The following LRRC51 variants were observed in gnomAD, a reference collection of about 807,000 sequenced individuals.
The protein encoded by LRRC51 is leucine rich repeat containing 51.
Under a neutral mutation model 17.8 loss-of-function variants are expected in LRRC51, and 8 were observed. The observed-to-expected ratio is 0.45, with a 90% confidence interval of 0.26 to 0.81. The LOEUF (loss-of-function observed/expected upper bound fraction) is 0.81. LRRC51 is among the 30% of genes least tolerant of loss of function. The pLI, the probability that LRRC51 is intolerant of heterozygous loss-of-function variation, is 0.17. For synonymous variants in LRRC51, 92 were observed against 96.0 expected, an observed-to-expected ratio of 0.96 and a Z score of 0.24; for missense variants, 233 against 239.3, an observed-to-expected ratio of 0.97 and a Z score of 0.17.
At position 72,084,824 on chromosome 11, in the gene LRRC51, G is replaced by A. The variant is rs1311479505; in HGVS notation, c.-139-3473G>A. Among the ~76,000 whole-genome samples the A allele has an allele frequency of 1.1e-4, 13 of 121,870 alleles. No individual in the cohort carries two copies. The East Asian group carries it at 1.6e-3, about 15-fold the overall frequency. The allele number at this position is 121,870 out of a possible 152,430, so 80.0% of individuals were successfully genotyped here. On this transcript the variant is annotated intron_variant, in intron 1 of 5. Transcript: ENST00000289488. ...TGCACTCCAGCCTGCACAACAGAGC[G>A]AGACCTTGTCTCAAAAAAAAAAAAA...
chr11:72,094,938 TC>T lies in LRRC51; in HGVS notation c.289-6del. 1.2e-6 allele frequency: 2 copies of T among 1,614,090 alleles called. No individual in the cohort carries two copies. The highest frequency in any genetic ancestry group is 1.7e-5 in the Admixed American group (1 of 60,018). Reference sequence around the variant, plus strand: ...TGTCTAGCCTGGCTTTTGGTTTCCCTCCCCAACAGGTCCTAACAACTTTCTT... The same window carrying T: ...TGTCTAGCCTGGCTTTTGGTTTCCCTCCCAACAGGTCCTAACAACTTTCTT... On this transcript the variant is annotated splice_polypyrimidine_tract_variant and intron_variant, in intron 4 of 5. Transcript: ENST00000289488.
chr11:72,085,503 T>C (rs1391467138), intron 1 of LRRC51: 1 of 151,982 alleles, frequency 6.6e-6, no homozygotes, highest in Non-Finnish European at 1.5e-5. Flanking sequence ...TTGGTTATAA[T>C]GAAATTAACA....
rs1944657486 is a variant in LRRC51, at chr11:72,088,277, A to G, written c.-139-20A>G. ...CACATTGCAAGTGACTGATAACAAC[A>G]TTGTGTTCATCCCTGTCAGGGAGTA... On this transcript the variant is annotated intron_variant, in intron 1 of 5. Coordinates refer to ENST00000289488, the MANE Select transcript of LRRC51 (RefSeq NM_145309.6). 1.5e-6 allele frequency: 1 copy of G among 684,078 alleles called. No individual in the cohort carries two copies. 42.4% of individuals were successfully genotyped at this position (684,078 alleles called of 1,614,324 possible).
At chr11:72,091,606 G>A (rs768130900) in intron 3 of LRRC51, among the ~76,000 whole-genome samples, 1 of 152,192 alleles carries the variant, frequency 6.6e-6, no homozygotes, top group Admixed American at 6.5e-5. Flanking sequence ...TAGCAGCAAT[G>A]GGAACTGGAC....
chr11:72,086,272 C>T (rs1189589572), intron 1 of LRRC51: 4 of 612,530 alleles, frequency 6.5e-6, no homozygotes, highest in Non-Finnish European at 1.2e-5. Flanking sequence ...GGCTGGTTTA[C>T]CACAATCAAT....
rs926937581 is a variant in LRRC51 at position 72,096,870 on chromosome 11, G to A, written c.*1350G>A. 1.6e-6 allele frequency: 2 copies of A among 1,266,092 alleles called. No individual in the cohort carries two copies. Among genetic ancestry groups the A allele is most frequent in the African/African-American group, 3.1e-5 (2 of 64,626 alleles). The allele number at this position is 1,266,092 out of a possible 1,614,324, so 78.4% of individuals were successfully genotyped here. Reference sequence around the variant, plus strand: ...TGGGATTCTGCTTAAGATTTCATTTGATAAAAAGAATCTTCTGCTTAAAAA... The same window carrying A: ...TGGGATTCTGCTTAAGATTTCATTTAATAAAAAGAATCTTCTGCTTAAAAA... On this transcript the variant is annotated 3_prime_UTR_variant, in exon 6 of 6. Coordinates refer to ENST00000289488, the MANE Select transcript of LRRC51 (RefSeq NM_145309.6).
At chr11:72,094,566 A>G (rs1359595671) in intron 4 of LRRC51, 1 of 617,838 alleles carries the variant, frequency 1.6e-6, no homozygotes, top group Non-Finnish European at 2.9e-6. Context: ...TCTCAATTTA[A>G]CCAGTATTTT....
chr11:72,093,387 A>G lies in LRRC51; in HGVS notation c.83-109A>G, dbSNP rs114400071. On this transcript the variant is annotated intron_variant, in intron 3 of 5. Coordinates refer to ENST00000289488, the MANE Select transcript of LRRC51 (RefSeq NM_145309.6). ...TCAGGCACAGGGCTATGGCCCTTCC[A>G]GACCCTCCAGCTACAGCCTGGATGG... is the stretch of plus-strand genomic sequence containing the variant. The G allele has an allele frequency of 2.1e-3, 2,249 of 1,080,268 alleles. 28 individuals carry two copies. In the African/African-American group the frequency reaches 0.032, roughly 15 times the overall value. The allele number at this position is 1,080,268 out of a possible 1,614,324, so 66.9% of individuals were successfully genotyped here.
chr11:72,082,895 C>T (rs1430029303), intron 1 of LRRC51, among the ~76,000 whole-genome samples: 2 of 151,468 alleles, frequency 1.3e-5, no homozygotes, highest in African/African-American at 4.9e-5. Flanking sequence ...GACAGAGTTT[C>T]GCTCTTGCTG....
intron 1 of LRRC51, among the ~76,000 whole-genome samples, 155 bp downstream of exon 1, chr11:72,081,040 ACACT>A (rs1198045788): frequency 1.3e-5 from 2 of 152,162 alleles, no homozygotes; most frequent in East Asian, 3.9e-4. Context: ...ACAAGATACA[ACACT>A]CACATGGGAC....
intron 3 of LRRC51, among the ~76,000 whole-genome samples, chr11:72,089,884 A>G (rs1001303772): frequency 1.3e-5 from 2 of 152,216 alleles, no homozygotes; most frequent in African/African-American, 4.8e-5. Context: ...CATATTCCCA[A>G]TGAGTCATCC....
chr11:72,084,850 A>AG lies in LRRC51; in HGVS notation c.-139-3447_-139-3446insG, dbSNP rs1175217003. 9.4e-4 allele frequency among the ~76,000 whole-genome samples: 139 copies of AG among 148,370 alleles called. 2 individuals carry two copies. Among genetic ancestry groups the AG allele is most frequent in the Middle Eastern group, 3.5e-3 (1 of 288 alleles). ...AGACCTTGTCTCAAAAAAAAAAAAA[A>AG]AAAAGAAAACCGTGTGTGTGTGTGT... On this transcript the variant is annotated intron_variant, in intron 1 of 5. Transcript: ENST00000289488.
chr11:72,096,533 G>A lies in LRRC51; in HGVS notation c.*1013G>A. ...GATTACAGGATAAGCCACTGCACCTGGCCAGCTCTAGTCTTATTTTGCTGA... is the reference window on the plus strand; with the variant it reads ...GATTACAGGATAAGCCACTGCACCTAGCCAGCTCTAGTCTTATTTTGCTGA... On this transcript the variant is annotated 3_prime_UTR_variant, in exon 6 of 6. Transcript: ENST00000289488. 1.2e-5 allele frequency: 16 copies of A among 1,324,342 alleles called. No homozygotes were observed. The highest frequency in any genetic ancestry group is 1.5e-5 in the Non-Finnish European group (16 of 1,037,254). 82.0% of individuals were successfully genotyped at this position (1,324,342 alleles called of 1,614,324 possible).
intron 1 of LRRC51, chr11:72,085,426 A>G (rs994664442): frequency 6.7e-6 from 1 of 148,946 alleles, no homozygotes; most frequent in African/African-American, 2.5e-5. Flanking sequence ...ATGCAGGGTA[A>G]TGATGAGAAG....
chr11:72,086,233 T>G, intron 1 of LRRC51: 1 of 589,728 alleles, frequency 1.7e-6, no homozygotes, highest in Non-Finnish European at 3.0e-6. Flanking sequence ...ATTCACTAAG[T>G]GGGCAGCTGT....
Position 72,096,645 on chromosome 11 carries a change from C to A in LRRC51, c.*1125C>A, listed in dbSNP as rs1945225076. On this transcript the variant is annotated 3_prime_UTR_variant, in exon 6 of 6. Coordinates refer to ENST00000289488, the MANE Select transcript of LRRC51 (RefSeq NM_145309.6). ...ACACAGCCTTGGGAAATTTATCTAA[C>A]TCTCTGGGCCCCTTTGTACTTTTCA... is the stretch of plus-strand genomic sequence containing the variant. 1 of 1,528,168 alleles carries A rather than the reference C, an allele frequency of 6.5e-7. No individual in the cohort carries two copies. The highest frequency in any genetic ancestry group is 8.8e-7 in the Non-Finnish European group (1 of 1,137,546). 94.7% of individuals were successfully genotyped at this position (1,528,168 alleles called of 1,614,324 possible). A position where few individuals can be genotyped will look rare whatever the true frequency, so the allele number is the denominator to read the frequency against.
At position 72,093,643 on chromosome 11, in the gene LRRC51, A is replaced by G. The variant is rs1382614042; in HGVS notation, c.230A>G (p.His77Arg). 15 of 1,614,098 alleles carry G rather than the reference A, an allele frequency of 9.3e-6. No homozygotes were observed. The highest frequency in any genetic ancestry group is 1.3e-5 in the African/African-American group (1 of 74,920). ...CAGGTGGCTTCACAGCTGTTGGAGC[A>G]CCCAGAGAACCTGGCCTGGATCGAC... The part of the protein sequence containing the change: ...FNQVASQLLE[H>R]PENLAWIDLS... Residue 77 changes from histidine to arginine, a missense_variant, in exon 4 of 6, where the codon CAC (histidine) becomes CGC (arginine). By Grantham distance (29) the His-to-Arg change is conservative. Transcript: ENST00000289488.
In LRRC51 at chr11:72,095,636, C is replaced by G. The variant is rs1945153917; in HGVS notation, c.*116C>G. On this transcript the variant is annotated 3_prime_UTR_variant, in exon 6 of 6. Coordinates refer to ENST00000289488, the MANE Select transcript of LRRC51 (RefSeq NM_145309.6). ...CACTTACACCTTGTAGAGATGTTCT[C>G]TAACTCAGGCAACTGCAAGTAGCTC... The G allele has an allele frequency of 6.5e-7, 1 of 1,545,416 alleles. No homozygotes were observed. Among genetic ancestry groups the G allele is most frequent in the Non-Finnish European group, 8.7e-7 (1 of 1,144,380 alleles).
chr11:72,091,533 T>C lies in LRRC51; in HGVS notation c.83-1963T>C, dbSNP rs574453440. ...GAGAGCAGAAGAGAGTGAAGAAAGC[T>C]GGCTAGCTTCCGCAAATACTAAATA... On this transcript the variant is annotated intron_variant, in intron 3 of 5. Coordinates refer to ENST00000289488, the MANE Select transcript of LRRC51 (RefSeq NM_145309.6). Among the ~76,000 whole-genome samples, 3 of 152,236 alleles carry C rather than the reference T, an allele frequency of 2.0e-5. No homozygotes were observed. In the East Asian group the frequency reaches 5.8e-4, roughly 29 times the overall value.
Sources: allele counts gnomAD v4.1 joint callset (sites outside exome capture counted in the v4.1 genomes callset), GRCh38; gene constraint gnomAD v4.1.1; transcripts MANE v1.5; gene names NCBI Gene and HGNC (gene_info 2026-07-23, HGNC 2026-07-21).